The following RPTOR variants were observed in gnomAD, a reference collection of about 807,000 sequenced individuals.
RPTOR encodes the protein regulatory-associated protein of mTOR.
Under a neutral mutation model 169.9 loss-of-function variants are expected in RPTOR, and 21 were observed. The observed-to-expected ratio is 0.12, with a 90% CI of 0.09 to 0.18. The LOEUF (loss-of-function observed/expected upper bound fraction) is 0.18. RPTOR is among the 10% of genes least tolerant of loss of function. The pLI, the probability that RPTOR is intolerant of heterozygous loss-of-function variation, is 1.00. For missense variants in RPTOR, 1,133 were observed against 1,855.9 expected (o/e 0.61, Z 7.16); for synonymous variants, 732 against 753.2 (o/e 0.97, Z 0.46).
intron 1 of RPTOR, among the ~76,000 whole-genome samples, chr17:80,618,188 C>T (rs187828990): frequency 3.9e-5 from 6 of 152,042 alleles, no homozygotes; most frequent in East Asian, 1.9e-4. Context: ...GGTTTCACCA[C>T]GTTGGCCAGA....
rs1568015551 is a variant in RPTOR, at chr17:80,964,244, C to T, written c.3940-18C>T. The T allele has an allele frequency of 6.2e-7, 1 of 1,603,696 alleles. No individual in the cohort carries two copies. The highest frequency in any genetic ancestry group is 1.3e-5 in the African/African-American group (1 of 74,832). On this transcript the variant is annotated intron_variant, in intron 33 of 33. Transcript: ENST00000306801. ...GCCCGCACCTGAACCCCTGCTCACC[C>T]CTTCTCTCTCCTTGCAGCCTCACCT...
intron 24 of RPTOR, among the ~76,000 whole-genome samples, chr17:80,934,480 T>A (rs2068932984): frequency 6.6e-6 from 1 of 152,136 alleles, no homozygotes; most frequent in Admixed American, 6.6e-5. Flanking sequence ...CACCTCTTCC[T>A]CCCCAGGAGC....
intron 7 of RPTOR, among the ~76,000 whole-genome samples, chr17:80,814,626 T>C (rs1163523217): frequency 6.6e-6 from 1 of 152,252 alleles, no homozygotes; most frequent in East Asian, 1.9e-4. Context: ...ATTCACCCAT[T>C]GGCTCATCGT....
At chr17:80,693,638 G>A (rs1302423243) in intron 3 of RPTOR, among the ~76,000 whole-genome samples, 3 of 152,208 alleles carry the variant, frequency 2.0e-5, no homozygotes, top group Admixed American at 1.3e-4. Context: ...CTTTGGGTTC[G>A]GTGTACGCAA....
chr17:80,695,989 G>T lies in RPTOR; in HGVS notation c.349-11852G>T, dbSNP rs140031701. Among the ~76,000 whole-genome samples, 1 of 152,216 alleles carries T rather than the reference G, an allele frequency of 6.6e-6. No individual in the cohort carries two copies. Among genetic ancestry groups the T allele is most frequent in the Non-Finnish European group, 1.5e-5 (1 of 68,034 alleles). Reference sequence around the variant, plus strand: ...GTTACATCTTAGATGGAAATTGGCCGTGTCTCTGCTGTTTCTGAGTGTGCG... The same window carrying T: ...GTTACATCTTAGATGGAAATTGGCCTTGTCTCTGCTGTTTCTGAGTGTGCG... On this transcript the variant is annotated intron_variant, in intron 3 of 33. Coordinates refer to ENST00000306801, the MANE Select transcript of RPTOR (RefSeq NM_020761.3). The surrounding 1 kb of genome is among the most constrained non-coding windows in gnomAD (Gnocchi z 4.9).
chr17:80,704,682 C>G (rs2080049923), intron 3 of RPTOR, among the ~76,000 whole-genome samples: 1 of 152,204 alleles, frequency 6.6e-6, no homozygotes, highest in Non-Finnish European at 1.5e-5. Context: ...CAGTAAAAAT[C>G]TGAGTATGAC....
chr17:80,799,210 T>C (rs1401586563), intron 7 of RPTOR, among the ~76,000 whole-genome samples: 1 of 152,248 alleles, frequency 6.6e-6, no homozygotes, highest in Non-Finnish European at 1.5e-5. Flanking sequence ...AAACAGGCTC[T>C]CGTGCTTAGT....
At chr17:80,794,394 T>C (rs561854394) in intron 7 of RPTOR, among the ~76,000 whole-genome samples, 1 of 152,364 alleles carries the variant, frequency 6.6e-6, no homozygotes, top group East Asian at 1.9e-4. Flanking sequence ...GAGACAGCAC[T>C]GTCCCTATTA....
Position 80,754,247 on chromosome 17 carries a change from A to G in RPTOR, c.830+62A>G, listed in dbSNP as rs1432175105. 2.7e-6 allele frequency: 4 copies of G among 1,479,616 alleles called. No individual in the cohort carries two copies. The highest frequency in any genetic ancestry group is 2.7e-6 in the Non-Finnish European group (3 of 1,103,450). The allele number at this position is 1,479,616 out of a possible 1,614,324, so 91.7% of individuals were successfully genotyped here. ...ACTGGGCTCTCCCGCAGGGACCCCA[A>G]CCCATGTGGGCCCCAGGCATTCACC... On this transcript the variant is annotated intron_variant, in intron 6 of 33. Coordinates refer to ENST00000306801, the MANE Select transcript of RPTOR (RefSeq NM_020761.3). The surrounding 1 kb of genome is among the most constrained non-coding windows in gnomAD (Gnocchi z 4.2).
intron 13 of RPTOR, among the ~76,000 whole-genome samples, chr17:80,868,064 A>G (rs1381676684): frequency 1.3e-5 from 2 of 152,234 alleles, no homozygotes; most frequent in South Asian, 2.1e-4. Flanking sequence ...GGACAAACAG[A>G]TAATGGAACA....
chr17:80,853,148 C>A (rs2067811985), intron 11 of RPTOR, among the ~76,000 whole-genome samples: 2 of 152,138 alleles, frequency 1.3e-5, no homozygotes, highest in Admixed American at 1.3e-4. Flanking sequence ...TGCTGCTTAA[C>A]GTCGGCTGGT....
At chr17:80,761,242 T>G (rs2066733671) in intron 6 of RPTOR, among the ~76,000 whole-genome samples, 1 of 152,236 alleles carries the variant, frequency 6.6e-6, no homozygotes, top group Non-Finnish European at 1.5e-5. Flanking sequence ...GGGACTTCAT[T>G]TGCTGTGGGA....
At chr17:80,751,482 A>G (rs1352425218) in intron 5 of RPTOR, among the ~76,000 whole-genome samples, 1 of 152,134 alleles carries the variant, frequency 6.6e-6, no homozygotes, top group Non-Finnish European at 1.5e-5. Context: ...AAGAGCCGTG[A>G]GAAATACTAA....
chr17:80,687,920 C>T (rs1289956483), intron 3 of RPTOR, among the ~76,000 whole-genome samples: 1 of 152,202 alleles, frequency 6.6e-6, no homozygotes, highest in Admixed American at 6.5e-5. Flanking sequence ...CAGGTCAGCG[C>T]CTGCAGGCCC....
At chr17:80,875,371 C>T (rs1260528124) in intron 13 of RPTOR, among the ~76,000 whole-genome samples, 2 of 152,198 alleles carry the variant, frequency 1.3e-5, no homozygotes, top group Non-Finnish European at 2.9e-5. Flanking sequence ...TGCTCTTCTT[C>T]TCTTCTTCAC....
In RPTOR at chr17:80,902,363, C is replaced by A. The variant is rs11869745; in HGVS notation, c.2402-6448C>A. Among the ~76,000 whole-genome samples, 1,377 of 152,364 alleles carry A rather than the reference C, an allele frequency of 9.0e-3. 18 individuals carry two copies. The highest frequency in any genetic ancestry group is 0.03 in the African/African-American group (1,256 of 41,586). Reference sequence around the variant, plus strand: ...CGCTCCACTGCACCTGCCCGCAGCACCCCTGGCTGGCCCCTGGCCCGGCCC... The same window carrying A: ...CGCTCCACTGCACCTGCCCGCAGCAACCCTGGCTGGCCCCTGGCCCGGCCC... On this transcript the variant is annotated intron_variant, in intron 20 of 33. Transcript: ENST00000306801.
chr17:80,714,932 A>G (rs1028952646), intron 4 of RPTOR, among the ~76,000 whole-genome samples: 12 of 152,220 alleles, frequency 7.9e-5, no homozygotes, highest in African/African-American at 2.9e-4. Flanking sequence ...CATGTTGGCC[A>G]GGCTGGTCTG....
chr17:80,550,797 C>T (rs10438820), intron 1 of RPTOR, among the ~76,000 whole-genome samples: 93,981 of 152,076 alleles, frequency 0.62, 29,829 homozygotes, highest in Middle Eastern at 0.71. Context: ...AGGCAGCCAC[C>T]GTCTCTTGTC....
chr17:80,821,020 A>G (rs1338895074), intron 7 of RPTOR, among the ~76,000 whole-genome samples: 5 of 152,316 alleles, frequency 3.3e-5, no homozygotes, highest in East Asian at 3.9e-4. Context: ...TAACTTCTCA[A>G]TTTCTCCTTT....
Sources: gnomAD v4.1 joint callset for allele counts (sites outside exome capture counted in the v4.1 genomes callset) on GRCh38, gnomAD v4.1.1 for gene constraint, Gnocchi (gnomAD v3.1) non-coding constraint, MANE v1.5 for transcripts, NCBI Gene and HGNC (gene_info 2026-07-23, HGNC 2026-07-21) for gene names.